The following DDX10 variants were observed in gnomAD, a reference collection of about 807,000 sequenced individuals.
DDX10 encodes the protein probable ATP-dependent RNA helicase DDX10.
Under a neutral mutation model 104.3 loss-of-function variants are expected in DDX10, and 74 were observed. That is an observed-to-expected ratio of 0.71 (90% CI 0.59 to 0.86). The LOEUF (loss-of-function observed/expected upper bound fraction) is 0.86. Ranked by LOEUF, DDX10 falls within the 40% of genes least tolerant of loss-of-function variation. The pLI, the probability that DDX10 is intolerant of heterozygous loss-of-function variation, is 0.00. For synonymous variants in DDX10, 351 were observed against 353.4 expected, an observed-to-expected ratio of 0.99 and a Z score of 0.08; for missense variants, 952 against 1,040.0, an observed-to-expected ratio of 0.92 and a Z score of 1.16.
chr11:108,728,504 CTTT>C (rs71050884), intron 13 of DDX10, among the ~76,000 whole-genome samples: 2 of 121,780 alleles, frequency 1.6e-5, no homozygotes, highest in Non-Finnish European at 1.6e-5. Flanking sequence ...CACATTTGTT[CTTT>C]TTTTTTTTTT....
intron 13 of DDX10, among the ~76,000 whole-genome samples, chr11:108,764,832 ATAAAATAAC>A (rs2094354590): frequency 1.3e-5 from 2 of 152,338 alleles, no homozygotes; most frequent in South Asian, 4.1e-4. Flanking sequence ...AGAACTGATC[ATAAAATAAC>A]TAATTGAATA....
chr11:108,798,549 T>C (rs1278206072), intron 13 of DDX10, among the ~76,000 whole-genome samples: 1 of 152,224 alleles, frequency 6.6e-6, no homozygotes, highest in Non-Finnish European at 1.5e-5. Flanking sequence ...AATGGTACAG[T>C]ATTTGTCTTT....
At chr11:108,916,201 A>C (rs147399174) in intron 16 of DDX10, among the ~76,000 whole-genome samples, 1 of 152,134 alleles carries the variant, frequency 6.6e-6, no homozygotes, top group Non-Finnish European at 1.5e-5. Context: ...CCACCTTCAG[A>C]TAGTACATTC....
At chr11:108,757,829 G>C (rs963415127) in intron 13 of DDX10, among the ~76,000 whole-genome samples, 2 of 151,924 alleles carry the variant, frequency 1.3e-5, no homozygotes, top group Admixed American at 6.6e-5. Flanking sequence ...GTTACTGCTT[G>C]CTGTTTTTAC....
In DDX10 at chr11:108,833,779, G is replaced by C. The variant is rs141367678; in HGVS notation, c.1966-4667G>C. On this transcript the variant is annotated intron_variant, in intron 13 of 17. Coordinates refer to ENST00000322536, the MANE Select transcript of DDX10 (RefSeq NM_004398.4). ...TGTTTTTTTTGACCTTTATTCCACT[G>C]ACAATTTTTGGTTTCATTTTTCTGA... Among the ~76,000 whole-genome samples the C allele has an allele frequency of 6.0e-3, 913 of 152,148 alleles. 6 individuals carry two copies. The highest frequency in any genetic ancestry group is 0.011 in the South Asian group (52 of 4,822).
At chr11:108,917,795 A>G in intron 16 of DDX10, 78 bp from the exon 17 acceptor site, 1 of 1,445,352 alleles carries the variant, frequency 6.9e-7, no homozygotes, top group Non-Finnish European at 9.5e-7. Flanking sequence ...AGGGATATCC[A>G]TTGGGGTCTG....
At chr11:108,894,576 G>A (rs1431200435) in intron 16 of DDX10, among the ~76,000 whole-genome samples, 1 of 152,028 alleles carries the variant, frequency 6.6e-6, no homozygotes, top group African/African-American at 2.4e-5. Context: ...GCATATCTTA[G>A]AGCCATTTCT....
intron 13 of DDX10, among the ~76,000 whole-genome samples, chr11:108,728,487 A>G (rs1255795306): frequency 2.7e-5 from 4 of 145,810 alleles, no homozygotes; most frequent in African/African-American, 7.8e-5. Context: ...TTTTTTAAGT[A>G]TACATACACA....
At chr11:108,933,584 C>G (rs1864001289) in intron 17 of DDX10, among the ~76,000 whole-genome samples, 1 of 152,132 alleles carries the variant, frequency 6.6e-6, no homozygotes, top group Non-Finnish European at 1.5e-5. Context: ...AAAGTATTGT[C>G]TCATTTCTCA....
At chr11:108,913,793 A>G (rs1431843558) in intron 16 of DDX10, among the ~76,000 whole-genome samples, 1 of 152,214 alleles carries the variant, frequency 6.6e-6, no homozygotes, top group African/African-American at 2.4e-5. Context: ...AGGCTTTGCT[A>G]AAAAGACATA....
At chr11:108,677,388 G>A (rs1479884348) in intron 4 of DDX10, 145 bp downstream of exon 4, 5 of 674,542 alleles carry the variant, frequency 7.4e-6, no homozygotes, top group African/African-American at 5.5e-5. Flanking sequence ...TGGTGTGGTC[G>A]CTGCTATCTA....
chr11:108,921,859 G>A (rs1384061258), intron 17 of DDX10: 1 of 152,586 alleles, frequency 6.6e-6, no homozygotes, highest in East Asian at 1.9e-4. Context: ...TGGGGAGGCT[G>A]AGGCAGGAGA....
chr11:108,887,467 TA>T (rs528986112), intron 16 of DDX10, among the ~76,000 whole-genome samples: 68 of 149,586 alleles, frequency 4.5e-4, no homozygotes, highest in Middle Eastern at 3.4e-3. Context: ...TTTTTTTTCT[TA>T]AAAAAAAAGA....
At chr11:108,827,225 A>T (rs1029778611) in intron 13 of DDX10, among the ~76,000 whole-genome samples, 1 of 152,248 alleles carries the variant, frequency 6.6e-6, no homozygotes, top group Non-Finnish European at 1.5e-5. Flanking sequence ...ATACTAGCCT[A>T]TCTGTCATAC....
chr11:108,696,267 C>T (rs2094259807), intron 9 of DDX10, among the ~76,000 whole-genome samples: 1 of 152,118 alleles, frequency 6.6e-6, no homozygotes, highest in Non-Finnish European at 1.5e-5. Flanking sequence ...ACCTCCGCCT[C>T]CCGGGTTCAA....
At chr11:108,787,515 A>G (rs1470092472) in intron 13 of DDX10, among the ~76,000 whole-genome samples, 1 of 151,972 alleles carries the variant, frequency 6.6e-6, no homozygotes. Flanking sequence ...ATAATCCCAT[A>G]TTACTCAGTG....
At chr11:108,853,864 A>G (rs1008865740) in intron 16 of DDX10, among the ~76,000 whole-genome samples, 5 of 152,256 alleles carry the variant, frequency 3.3e-5, no homozygotes, top group African/African-American at 4.8e-5. Context: ...CTATGTAACC[A>G]CTAAGCATCG....
At chr11:108,736,885 T>A (rs2094319085) in intron 13 of DDX10, among the ~76,000 whole-genome samples, 1 of 152,318 alleles carries the variant, frequency 6.6e-6, no homozygotes, top group East Asian at 1.9e-4. Flanking sequence ...GTTCTCTAGT[T>A]GAATTGTCCA....
rs147758256 is a variant in DDX10 at position 108,846,349 on chromosome 11, A to G, written c.2247+4873A>G. On this transcript the variant is annotated intron_variant, in intron 15 of 17. Coordinates refer to ENST00000322536, the MANE Select transcript of DDX10 (RefSeq NM_004398.4). ...ACATGGTCACCAAGCTGTGCAATAG[A>G]TCATCAGAACTTATTCCTCCTGTCT... Among the ~76,000 whole-genome samples, 108 of 152,306 alleles carry G rather than the reference A, an allele frequency of 7.1e-4. 1 individual carries two copies. In the East Asian group the frequency reaches 0.018, roughly 25 times the overall value.
Sources: allele counts gnomAD v4.1 joint callset (sites outside exome capture counted in the v4.1 genomes callset), GRCh38; gene constraint gnomAD v4.1.1; transcripts MANE v1.5; gene names NCBI Gene and HGNC (gene_info 2026-07-23, HGNC 2026-07-21).